ELMO1: variants seen among roughly 807,000 people sequenced by gnomAD.
The protein encoded by ELMO1 is engulfment and cell motility 1, also known as engulfment and cell motility protein 1.
Under a neutral mutation model 98.9 loss-of-function variants are expected in ELMO1, and 26 were observed. That is an observed-to-expected ratio of 0.26 (90% confidence interval 0.19 to 0.36). ELMO1 has a LOEUF of 0.36. ELMO1 is among the 10% of genes least tolerant of loss of function. The pLI is 1.00. For missense variants in ELMO1, 627 were observed against 935.2 expected (o/e 0.67, Z 4.30); for synonymous variants, 346 against 346.0 (o/e 1.00, Z 0.00).
chr7:37,426,946 T>A (rs1052878880), intron 1 of ELMO1, among the ~76,000 whole-genome samples: 1 of 152,014 alleles, frequency 6.6e-6, no homozygotes, highest in African/African-American at 2.4e-5. Context: ...TTCAATGCCA[T>A]ACACCGAGAA....
intron 16 of ELMO1, among the ~76,000 whole-genome samples, chr7:36,917,293 AC>A (rs1237675480): frequency 6.6e-6 from 1 of 152,250 alleles, no homozygotes; most frequent in African/African-American, 2.4e-5. Flanking sequence ...TAAAAAAGAT[AC>A]TTAAATCACT....
chr7:36,879,141 A>G (rs1012039141), intron 18 of ELMO1, among the ~76,000 whole-genome samples: 5 of 152,232 alleles, frequency 3.3e-5, no homozygotes, highest in African/African-American at 4.8e-5. Context: ...AACAATTAAT[A>G]TTGATAGGAG....
chr7:36,918,572 C>G (rs1302897181), intron 16 of ELMO1, among the ~76,000 whole-genome samples: 1 of 152,152 alleles, frequency 6.6e-6, no homozygotes. Flanking sequence ...GTATCATCAT[C>G]TCTAAGGGCA....
chr7:37,248,195 T>C (rs1382313004), intron 6 of ELMO1, among the ~76,000 whole-genome samples: 5 of 108,678 alleles, frequency 4.6e-5, no homozygotes, highest in African/African-American at 2.5e-4. Context: ...GGATTTTATA[T>C]GTGTGTGTGT....
intron 16 of ELMO1, among the ~76,000 whole-genome samples, chr7:36,912,204 C>A (rs1293601197): frequency 6.6e-6 from 1 of 152,164 alleles, no homozygotes; most frequent in African/African-American, 2.4e-5. Context: ...GTACATCCAG[C>A]AACTTCTGAG....
At chr7:37,277,990 A>G (rs1796934952) in intron 4 of ELMO1, among the ~76,000 whole-genome samples, 1 of 152,172 alleles carries the variant, frequency 6.6e-6, no homozygotes, top group South Asian at 2.1e-4. Flanking sequence ...CCTTGCCTCA[A>G]AGCCTGCAGT....
intron 16 of ELMO1, among the ~76,000 whole-genome samples, chr7:36,935,512 G>C (rs1004564968): frequency 1.3e-5 from 2 of 152,126 alleles, no homozygotes; most frequent in African/African-American, 4.8e-5. Flanking sequence ...CTGATATCTT[G>C]ATCAAAGTGC....
chr7:36,921,334 T>A (rs1332612840), intron 16 of ELMO1, among the ~76,000 whole-genome samples: 1 of 152,228 alleles, frequency 6.6e-6, no homozygotes, highest in Non-Finnish European at 1.5e-5. Context: ...CTCTGCCACT[T>A]ACTAGCTAGC....
intron 16 of ELMO1, among the ~76,000 whole-genome samples, chr7:36,963,151 G>C (rs547065060): frequency 2.6e-5 from 4 of 152,108 alleles, no homozygotes; most frequent in Non-Finnish European, 4.4e-5. Flanking sequence ...TTGGGAGGCC[G>C]AGGTGGGCAG....
At chr7:36,958,676 G>C (rs60420579) in intron 16 of ELMO1, among the ~76,000 whole-genome samples, 2,075 of 152,122 alleles carry the variant, frequency 0.014, 34 homozygotes, top group African/African-American at 0.047. Flanking sequence ...TCTTCCTAAG[G>C]AGCATTTCTT....
At chr7:37,117,776 T>C (rs981562608) in intron 14 of ELMO1, among the ~76,000 whole-genome samples, 2 of 152,234 alleles carry the variant, frequency 1.3e-5, no homozygotes, top group African/African-American at 2.4e-5. Flanking sequence ...AAATGAATTA[T>C]GAGACAAAGA....
Position 37,037,895 on chromosome 7 carries a change from A to G in ELMO1, c.1301-24460T>C, listed in dbSNP as rs116563769. Reference sequence around the variant, plus strand: ...AATTTTAGTACTAAATAAAAGAACTATGGAAGTTATGGAAAAGGTAGCACA... The same window carrying G: ...AATTTTAGTACTAAATAAAAGAACTGTGGAAGTTATGGAAAAGGTAGCACA... On this transcript the variant is annotated intron_variant, in intron 15 of 21. Coordinates refer to ENST00000310758, the MANE Select transcript of ELMO1 (RefSeq NM_014800.11). 2.2e-3 allele frequency among the ~76,000 whole-genome samples: 332 copies of G among 152,286 alleles called. 1 individual carries two copies. The highest frequency in any genetic ancestry group is 7.5e-3 in the African/African-American group (312 of 41,570).
chr7:37,004,928 G>C (rs773221844), intron 16 of ELMO1, among the ~76,000 whole-genome samples: 7 of 151,838 alleles, frequency 4.6e-5, no homozygotes, highest in Non-Finnish European at 8.8e-5. Context: ...GGCCAACAAG[G>C]TGAAACCTCG....
At chr7:37,223,387 G>A (rs931100592) in intron 9 of ELMO1, among the ~76,000 whole-genome samples, 1 of 152,172 alleles carries the variant, frequency 6.6e-6, no homozygotes, top group African/African-American at 2.4e-5. Context: ...ACTAGGCCAG[G>A]ATAGGGTGCA....
chr7:37,384,468 C>A (rs1802708260), intron 1 of ELMO1, among the ~76,000 whole-genome samples: 1 of 152,252 alleles, frequency 6.6e-6, no homozygotes, highest in Admixed American at 6.5e-5. Flanking sequence ...CGCCTGTAAT[C>A]CCAGCACTTT....
intron 1 of ELMO1, among the ~76,000 whole-genome samples, chr7:37,367,772 G>T (rs182795276): frequency 1.1e-3 from 169 of 152,134 alleles, no homozygotes; most frequent in African/African-American, 3.7e-3. Flanking sequence ...AAAGACACTG[G>T]AAACAATAAC....
At chr7:36,861,861 G>GATGGAA in intron 20 of ELMO1, 125 bp from the exon 21 acceptor site, 1 of 845,270 alleles carries the variant, frequency 1.2e-6, no homozygotes, top group East Asian at 2.5e-5. Flanking sequence ...GCTGCAATGA[G>GATGGAA]GCTGATGGAA....
rs1378329006 is a variant in ELMO1 at position 37,292,281 on chromosome 7, G to A, written c.193-20399C>T. Among the ~76,000 whole-genome samples the A allele has an allele frequency of 2.0e-3, 165 of 84,268 alleles. 3 individuals carry two copies. Among genetic ancestry groups the A allele is most frequent in the African/African-American group, 5.3e-3 (162 of 30,418 alleles). The allele number at this position is 84,268 out of a possible 152,430, so 55.3% of individuals were successfully genotyped here. A position where few individuals can be genotyped will look rare whatever the true frequency, so the allele number is the denominator to read the frequency against. On this transcript the variant is annotated intron_variant, in intron 4 of 21. Coordinates refer to ENST00000310758, the MANE Select transcript of ELMO1 (RefSeq NM_014800.11). The stretch of plus-strand genomic sequence containing the variant: ...GGTGCCCAGGCTGGAGTGCAGTGGC[G>A]TGATCTCGGCTCGCTACAACCTCCA...
intron 16 of ELMO1, among the ~76,000 whole-genome samples, chr7:36,947,051 A>C (rs1019018034): frequency 6.6e-6 from 1 of 152,060 alleles, no homozygotes; most frequent in African/African-American, 2.4e-5. Flanking sequence ...TGAGGTTTGG[A>C]CTTCTATTGA....
Sources: gnomAD v4.1 joint callset for allele counts (sites outside exome capture counted in the v4.1 genomes callset) on GRCh38, gnomAD v4.1.1 for gene constraint, MANE v1.5 for transcripts, NCBI Gene and HGNC (gene_info 2026-07-23, HGNC 2026-07-21) for gene names.